The following NHS variants were observed in gnomAD, a reference collection of about 807,000 sequenced individuals.
NHS encodes NHS actin remodeling regulator.
Under a neutral mutation model 72.5 loss-of-function variants are expected in NHS, and 5 were observed. That is an observed-to-expected ratio of 0.07 (90% CI 0.04 to 0.14). The LOEUF is 0.14. Among genes scored for constraint, NHS ranks in the 10% least tolerant of loss-of-function variants. The probability of loss-of-function intolerance (pLI) is 1.00; values close to 1 mark genes in which losing one functional copy is unlikely to be tolerated. For missense variants in NHS, 1,072 were observed against 1,355.7 expected (o/e 0.79, Z 3.29); for synonymous variants, 464 against 547.7 (o/e 0.85, Z 2.13).
At chrX:17,537,532 G>A (rs990724903) in intron 1 of NHS, among the ~76,000 whole-genome samples, 1 of 112,502 alleles carries the variant, frequency 8.9e-6, no homozygotes, top group Non-Finnish European at 1.9e-5. Context: ...AGACACTTTG[G>A]AGGTGAATTT....
intron 1 of NHS, among the ~76,000 whole-genome samples, chrX:17,682,912 C>G (rs5955545): frequency 0.26 from 28,812 of 110,489 alleles, 7,205 homozygotes; most frequent in African/African-American, 0.77. Context: ...GATTTTTACC[C>G]CTTCCCAGTC....
chrX:17,732,252 C>G lies in NHS; in HGVS notation c.4744C>G (p.Arg1582Gly). 2.5e-6 allele frequency: 3 copies of G among 1,211,981 alleles called. No individual in the cohort carries two copies. The South Asian group carries it at 5.3e-5, about 21-fold the overall frequency. Residue 1582 changes from arginine (R) to glycine (G), a missense_variant, in exon 9 of 9, where the codon CGA becomes GGA. Physicochemically the swap from Arg to Gly is moderately radical, Grantham distance 125. Coordinates refer to ENST00000676302, the MANE Select transcript of NHS (RefSeq NM_001291867.2). ...GTCCCCACTCTCTCCATGCTCCCCA[C>G]GAGTTAATGCAGAAGGCTTTTCCTC... ...ALSPLSPCSP[R>G]VNAEGFSSKS...
chrX:17,603,297 A>T (rs2147051458), intron 1 of NHS, among the ~76,000 whole-genome samples: 1 of 112,113 alleles, frequency 8.9e-6, no homozygotes, highest in African/African-American at 3.2e-5. Context: ...ACACATTTGT[A>T]TTTCTTTTCT....
chrX:17,439,315 C>G (rs1389755649), intron 1 of NHS, among the ~76,000 whole-genome samples: 1 of 110,648 alleles, frequency 9.0e-6, no homozygotes, highest in Non-Finnish European at 1.9e-5. Flanking sequence ...AAAGAGAATG[C>G]TATAAGAAAC....
At chrX:17,538,063 C>T (rs1407586692) in intron 1 of NHS, among the ~76,000 whole-genome samples, 1 of 111,993 alleles carries the variant, frequency 8.9e-6, no homozygotes, top group Non-Finnish European at 1.9e-5. Flanking sequence ...ATTCCCAGGG[C>T]TAGTGGGACT....
Position 17,732,037 on chromosome X carries a change from C to A in NHS, c.4529C>A (p.Ser1510Tyr), listed in dbSNP as rs749501291. 1.7e-6 allele frequency: 2 copies of A among 1,211,324 alleles called. No individual in the cohort carries two copies. Among genetic ancestry groups the A allele is most frequent in the Non-Finnish European group, 2.2e-6 (2 of 895,419 alleles). Residue 1510 changes from serine to tyrosine, a missense_variant, in exon 9 of 9, where the codon TCC (serine) becomes TAC (tyrosine). Physicochemically the swap from Ser to Tyr is moderately radical, Grantham distance 144 (BLOSUM62 -2). Coordinates refer to ENST00000676302, the MANE Select transcript of NHS (RefSeq NM_001291867.2). ...PGLIYRNAKK[S>Y]NTSNEEFKLL... Reference sequence around the variant, plus strand: ...CTCATATACCGAAATGCCAAAAAGTCCAACACATCCAATGAAGAGTTTAAG... The same window carrying A: ...CTCATATACCGAAATGCCAAAAAGTACAACACATCCAATGAAGAGTTTAAG...
At chrX:17,516,749 C>T in intron 1 of NHS, among the ~76,000 whole-genome samples, 1 of 107,999 alleles carries the variant, frequency 9.3e-6, no homozygotes, top group East Asian at 3.0e-4. Context: ...ATACTGCCAA[C>T]TTGGCCCCAG....
At chrX:17,386,663 C>CAAAAAAAAAAAAAAAAAA (rs1184465152) in intron 1 of NHS, among the ~76,000 whole-genome samples, 3 of 38,433 alleles carry the variant, frequency 7.8e-5, no homozygotes, top group Non-Finnish European at 1.5e-4. Flanking sequence ...AACTCTGTCT[C>CAAAAAAAAAAAAAAAAAA]AAAAAAAAAA....
chrX:17,502,114 GC>G (rs1255439669), intron 1 of NHS, among the ~76,000 whole-genome samples: 1 of 111,682 alleles, frequency 9.0e-6, no homozygotes, highest in Non-Finnish European at 1.9e-5. Flanking sequence ...GGAAAAAAGG[GC>G]CTATTTGTCT....
chrX:17,646,033 C>T (rs974088429), intron 1 of NHS, among the ~76,000 whole-genome samples: 6 of 111,661 alleles, frequency 5.4e-5, no homozygotes, highest in African/African-American at 2.0e-4. Flanking sequence ...CTCACTGCAG[C>T]CTCGAACTCC....
intron 1 of NHS, among the ~76,000 whole-genome samples, chrX:17,525,872 T>G (rs1357728620): frequency 9.0e-6 from 1 of 111,320 alleles, no homozygotes; most frequent in East Asian, 2.8e-4. Context: ...AAGGTTAATG[T>G]TTTCAGAACA....
chrX:17,694,621 C>G (rs1601840110), intron 3 of NHS, among the ~76,000 whole-genome samples: 1 of 112,319 alleles, frequency 8.9e-6, no homozygotes, highest in African/African-American at 3.2e-5. Flanking sequence ...AATACCAGCT[C>G]TACCACTTGC....
intron 1 of NHS, among the ~76,000 whole-genome samples, chrX:17,379,946 G>T (rs757378224): frequency 2.7e-5 from 3 of 111,850 alleles, no homozygotes; most frequent in Non-Finnish European, 5.6e-5. Context: ...ACATGTGTGA[G>T]TTGAGAGGTC....
chrX:17,375,489 G>A lies in NHS; in HGVS notation c.-269G>A. On this transcript the variant is annotated 5_prime_UTR_variant, in exon 1 of 9. Transcript: ENST00000676302. ...CCCTGGTTGGAAGCAAGTGAGAAGA[G>A]ACCAGGCGCACCCCTAAATTTCTGT... 2.4e-6 allele frequency: 1 copy of A among 422,590 alleles called. No individual in the cohort carries two copies. Among genetic ancestry groups the A allele is most frequent in the Non-Finnish European group, 4.1e-6 (1 of 243,327 alleles). The allele number at this position is 422,590 out of a possible 1,213,427, so 34.8% of individuals were successfully genotyped here.
At chrX:17,387,034 A>G (rs1469356516) in intron 1 of NHS, among the ~76,000 whole-genome samples, 2 of 112,231 alleles carry the variant, frequency 1.8e-5, no homozygotes, top group African/African-American at 6.5e-5. Flanking sequence ...TCTTCGATAA[A>G]ATTATTGTTC....
At chrX:17,558,619 G>C (rs7885151) in intron 1 of NHS, among the ~76,000 whole-genome samples, 24,576 of 111,689 alleles carry the variant, frequency 0.22, 5,912 homozygotes, top group African/African-American at 0.72. Flanking sequence ...CTAGTCTTCT[G>C]ATCTGTCAAA....
rs1172162605 is a variant in NHS, at chrX:17,733,987, C to T, written c.*1523C>T. The stretch of plus-strand genomic sequence containing the variant: ...TAAAATCTGCAAATGGTTTTTACAC[C>T]TCTGATTTTAACATGAACTTATACT... On this transcript the variant is annotated 3_prime_UTR_variant, in exon 9 of 9. Coordinates refer to ENST00000676302, the MANE Select transcript of NHS (RefSeq NM_001291867.2). The T allele has an allele frequency of 1.8e-5, 2 of 112,222 alleles. No homozygotes were observed. Among genetic ancestry groups the T allele is most frequent in the Non-Finnish European group, 3.8e-5 (2 of 53,226 alleles). The allele number at this position is 112,222 out of a possible 1,213,427, so 9.2% of individuals were successfully genotyped here.
intron 1 of NHS, among the ~76,000 whole-genome samples, chrX:17,523,108 C>T (rs1269735164): frequency 8.9e-6 from 1 of 112,402 alleles, no homozygotes; most frequent in Non-Finnish European, 1.9e-5. Context: ...CAAGGCAGTT[C>T]TGTCGCTAAG....
chrX:17,694,904 C>G (rs762219150), intron 3 of NHS, among the ~76,000 whole-genome samples: 3 of 111,817 alleles, frequency 2.7e-5, no homozygotes, highest in Non-Finnish European at 5.6e-5. Context: ...GCTATTGTAT[C>G]TTTCTGACTC....
Sources: gnomAD v4.1 joint callset for allele counts (sites outside exome capture counted in the v4.1 genomes callset) on GRCh38, gnomAD v4.1.1 for gene constraint, MANE v1.5 for transcripts, NCBI Gene and HGNC (gene_info 2026-07-23, HGNC 2026-07-21) for gene names.